AGBL3: variants seen among roughly 807,000 people sequenced by gnomAD.
The protein encoded by AGBL3 is AGBL carboxypeptidase 3.
A neutral mutation model predicts 94.5 loss-of-function variants in AGBL3; 68 were observed. The observed-to-expected ratio is 0.72, with a 90% CI of 0.59 to 0.88. AGBL3 has a LOEUF of 0.88. Among genes scored for constraint, AGBL3 ranks in the 40% least tolerant of loss-of-function variants. The pLI is 0.00. For missense variants in AGBL3, 934 were observed against 1,103.8 expected (o/e 0.85, Z 2.18); for synonymous variants, 354 against 370.7 (o/e 0.95, Z 0.52).
intron 4 of AGBL3, chr7:135,010,339 T>G (rs1175375063): frequency 4.6e-6 from 1 of 216,758 alleles, no homozygotes; most frequent in Admixed American, 5.7e-5. Context: ...CTGTATCTCT[T>G]AGCTGACATT....
chr7:135,099,640 T>C (rs373271987), intron 15 of AGBL3, among the ~76,000 whole-genome samples: 1 of 152,212 alleles, frequency 6.6e-6, no homozygotes, highest in East Asian at 1.9e-4. Flanking sequence ...TCTTATAAGA[T>C]TTTGATTTTG....
chr7:135,007,586 T>A (rs1397363717), intron 4 of AGBL3, among the ~76,000 whole-genome samples: 2 of 151,992 alleles, frequency 1.3e-5, no homozygotes, highest in Non-Finnish European at 1.5e-5. Context: ...CTAGATGCTT[T>A]CCCCATAAGG....
At chr7:134,991,253 G>T (rs1810231038) in intron 3 of AGBL3, among the ~76,000 whole-genome samples, 1 of 151,578 alleles carries the variant, frequency 6.6e-6, no homozygotes, top group Admixed American at 6.6e-5. Context: ...CTCTGAGAGT[G>T]TGTCTGCTTG....
chr7:135,068,664 A>G (rs1246903449), intron 12 of AGBL3, among the ~76,000 whole-genome samples: 1 of 152,132 alleles, frequency 6.6e-6, no homozygotes. Context: ...GAAATAAAAT[A>G]CCTTACAGAC....
chr7:135,132,612 G>A (rs1049578689), intron 16 of AGBL3, among the ~76,000 whole-genome samples: 14 of 152,164 alleles, frequency 9.2e-5, no homozygotes, highest in African/African-American at 2.9e-4. Flanking sequence ...TCAAGGCAGG[G>A]TCAGGTGGAG....
At chr7:135,128,160 T>C (rs1828160188) in intron 16 of AGBL3, among the ~76,000 whole-genome samples, 1 of 150,784 alleles carries the variant, frequency 6.6e-6, no homozygotes, top group Admixed American at 6.6e-5. Context: ...GGTGTGGTGG[T>C]GAGTGCCTGT....
chr7:135,060,725 G>T (rs372394345), intron 12 of AGBL3, among the ~76,000 whole-genome samples: 46 of 152,056 alleles, frequency 3.0e-4, no homozygotes, highest in East Asian at 1.5e-3. Flanking sequence ...CAAGTGAAAA[G>T]ATTTCCTTCT....
At chr7:135,072,622 G>C (rs1393764992) in intron 12 of AGBL3, among the ~76,000 whole-genome samples, 1 of 152,112 alleles carries the variant, frequency 6.6e-6, no homozygotes, top group African/African-American at 2.4e-5. Flanking sequence ...TAGGGACATG[G>C]ATGAAGCTGG....
chr7:135,113,771 T>C (rs1230133961), intron 15 of AGBL3, among the ~76,000 whole-genome samples: 1 of 152,202 alleles, frequency 6.6e-6, no homozygotes, highest in Non-Finnish European at 1.5e-5. Context: ...CTCCTTTTTC[T>C]CTTTTAAAAT....
intron 16 of AGBL3, among the ~76,000 whole-genome samples, chr7:135,118,113 A>G (rs1170866773): frequency 6.6e-6 from 1 of 152,080 alleles, no homozygotes; most frequent in Non-Finnish European, 1.5e-5. Context: ...CTCTGTTTCC[A>G]TGAGTAGCTT....
At chr7:135,002,133 G>T (rs1811791514) in intron 4 of AGBL3, among the ~76,000 whole-genome samples, 1 of 152,160 alleles carries the variant, frequency 6.6e-6, no homozygotes, top group Non-Finnish European at 1.5e-5. Flanking sequence ...TGTCACCTGT[G>T]ATCAGGAGTC....
intron 8 of AGBL3, among the ~76,000 whole-genome samples, chr7:135,039,716 C>T (rs1047122436): frequency 6.6e-6 from 1 of 151,878 alleles, no homozygotes; most frequent in African/African-American, 2.4e-5. Context: ...GCCTGGGCAA[C>T]AGTGTGAGAC....
intron 5 of AGBL3, among the ~76,000 whole-genome samples, chr7:135,023,611 C>T (rs1814754606): frequency 6.6e-6 from 1 of 152,110 alleles, no homozygotes; most frequent in African/African-American, 2.4e-5. Context: ...CAGAACACAG[C>T]CATAGGTGCC....
chr7:135,118,480 T>C (rs1248555664), intron 16 of AGBL3, among the ~76,000 whole-genome samples: 1 of 152,158 alleles, frequency 6.6e-6, no homozygotes, highest in Non-Finnish European at 1.5e-5. Context: ...GAACCTGGAC[T>C]TCCACTTCCA....
At chr7:135,105,388 C>T (rs1180900928) in intron 15 of AGBL3, among the ~76,000 whole-genome samples, 1 of 152,148 alleles carries the variant, frequency 6.6e-6, no homozygotes, top group African/African-American at 2.4e-5. Flanking sequence ...AGTTTTTAAT[C>T]CATCTTGAGT....
At chr7:135,073,471 A>AAAATAAAT (rs138457438) in intron 12 of AGBL3, among the ~76,000 whole-genome samples, 1 of 126,072 alleles carries the variant, frequency 7.9e-6, no homozygotes, top group Admixed American at 8.4e-5. Context: ...ACTCCGTCTC[A>AAAATAAAT]AAATAAATAA....
At chr7:135,046,420 T>C (rs180731468) in intron 11 of AGBL3, among the ~76,000 whole-genome samples, 8 of 152,230 alleles carry the variant, frequency 5.3e-5, no homozygotes, top group African/African-American at 1.9e-4. Flanking sequence ...TTCACTATTA[T>C]AGTATCATAG....
At chr7:135,120,886 C>T (rs1827043608) in intron 16 of AGBL3, among the ~76,000 whole-genome samples, 1 of 152,150 alleles carries the variant, frequency 6.6e-6, no homozygotes, top group South Asian at 2.1e-4. Flanking sequence ...ACTAGAAACA[C>T]AGCAATCTTA....
chr7:135,023,074 A>G, intron 5 of AGBL3, among the ~76,000 whole-genome samples: 1 of 152,162 alleles, frequency 6.6e-6, no homozygotes, highest in Non-Finnish European at 1.5e-5. Flanking sequence ...ATAATGTTAT[A>G]CCACTTCACA....
Sources: allele counts gnomAD v4.1 joint callset (sites outside exome capture counted in the v4.1 genomes callset), GRCh38; gene constraint gnomAD v4.1.1; transcripts MANE v1.5; gene names NCBI Gene and HGNC (gene_info 2026-07-23, HGNC 2026-07-21).